Variants in P3H2 observed in about 807,000 individuals in gnomAD.
P3H2 encodes prolyl 3-hydroxylase 2, also known as leprecan-like 1.
P3H2 carries 80 observed loss-of-function variants against 87.0 expected under a neutral mutation model. That is an observed-to-expected ratio of 0.92 (90% CI 0.77 to 1.11). The LOEUF (loss-of-function observed/expected upper bound fraction) is 1.11, where lower values mean the gene tolerates loss of function less well. Among genes scored for constraint, P3H2 ranks in the 50% least tolerant of loss-of-function variants. The pLI is 0.00. For synonymous variants in P3H2, 367 were observed against 359.3 expected (o/e 1.02, Z -0.24); for missense variants, 1,001 against 923.9 (o/e 1.08, Z -1.08).
chr3:189,997,862 TAAC>T (rs112444876), intron 1 of P3H2, among the ~76,000 whole-genome samples: 74 of 152,344 alleles, frequency 4.9e-4, no homozygotes, highest in African/African-American at 1.7e-3. Context: ...TACATAGTAA[TAAC>T]TATATAGGTA....
chr3:190,105,257 C>T (rs1711786369), intron 1 of P3H2, among the ~76,000 whole-genome samples: 1 of 152,224 alleles, frequency 6.6e-6, no homozygotes, highest in Admixed American at 6.5e-5. Context: ...AAGTCTTTCA[C>T]ATTTGAGCCG....
At chr3:190,057,340 T>C (rs1726190441) in intron 1 of P3H2, among the ~76,000 whole-genome samples, 1 of 152,186 alleles carries the variant, frequency 6.6e-6, no homozygotes, top group African/African-American at 2.4e-5. Flanking sequence ...CACGAAAGTC[T>C]GAGAAGCACA....
At chr3:190,088,253 T>C (rs1359270186) in intron 1 of P3H2, among the ~76,000 whole-genome samples, 1 of 152,220 alleles carries the variant, frequency 6.6e-6, no homozygotes, top group Admixed American at 6.5e-5. Context: ...CCTCAGAATA[T>C]TATTATGTAC....
At chr3:189,994,819 A>G (rs1438981108) in intron 2 of P3H2, among the ~76,000 whole-genome samples, 1 of 151,934 alleles carries the variant, frequency 6.6e-6, no homozygotes, top group Non-Finnish European at 1.5e-5. Context: ...AAAGAACTAC[A>G]TCACTTTTTA....
intron 1 of P3H2, among the ~76,000 whole-genome samples, chr3:190,107,043 TAAAGGA>T (rs148193659): frequency 2.1e-3 from 322 of 152,286 alleles, no homozygotes; most frequent in South Asian, 7.2e-3. Flanking sequence ...TTAAGTCTGT[TAAAGGA>T]AATGTCATTT....
intron 3 of P3H2, among the ~76,000 whole-genome samples, chr3:189,993,149 C>G (rs1427766363): frequency 6.6e-6 from 1 of 151,784 alleles, no homozygotes; most frequent in African/African-American, 2.4e-5. Context: ...ATGGAGAAAC[C>G]CCGTCTCCAT....
At chr3:190,078,682 C>G (rs1435214979) in intron 1 of P3H2, among the ~76,000 whole-genome samples, 2 of 152,302 alleles carry the variant, frequency 1.3e-5, no homozygotes, top group African/African-American at 4.8e-5. Flanking sequence ...TGTTATTATC[C>G]TCACTCATAA....
chr3:190,084,851 G>T (rs1727158984), intron 1 of P3H2, among the ~76,000 whole-genome samples: 1 of 152,034 alleles, frequency 6.6e-6, no homozygotes, highest in Non-Finnish European at 1.5e-5. Context: ...TCGCTCAGTA[G>T]GTGTTTTCTG....
chr3:190,047,587 A>G (rs1725845872), intron 1 of P3H2, among the ~76,000 whole-genome samples: 1 of 152,188 alleles, frequency 6.6e-6, no homozygotes. Flanking sequence ...TCTCGTGTGT[A>G]TATATACACC....
chr3:189,971,803 G>A (rs1369591531), intron 12 of P3H2, 87 bp downstream of exon 12: 45 of 841,694 alleles, frequency 5.3e-5, no homozygotes, highest in Middle Eastern at 2.2e-4. Context: ...TGAACACGAC[G>A]TCAAGCAAAA....
In P3H2 at chr3:190,120,515, T is replaced by C; in HGVS notation, c.217A>G (p.Ser73Gly). Residue 73 changes from serine to glycine, a missense_variant, in exon 1 of 15, where the codon AGC (serine) becomes GGC (glycine). Transcript: ENST00000319332. ...CGGATTTCCCGCAGGCGCCGGTGGC[T>C]GCGCAGCGCCGCTTCCAAGTCGCGC... Reference protein sequence around the residue: ...AVRDLEAALRSHRRLREIRTR... With the variant: ...AVRDLEAALRGHRRLREIRTR... 1.4e-6 allele frequency: 2 copies of C among 1,474,848 alleles called. No individual in the cohort carries two copies. The allele number at this position is 1,474,848 out of a possible 1,614,324, so 91.4% of individuals were successfully genotyped here.
At chr3:190,120,927 A>T, upstream of P3H2, 1 of 777,870 alleles carries the variant, frequency 1.3e-6, no homozygotes, top group South Asian at 2.2e-5. Context: ...CCGCTCTTAA[A>T]GGGACGCCCA....
intron 13 of P3H2, among the ~76,000 whole-genome samples, chr3:189,968,577 T>C (rs918428751): frequency 6.6e-6 from 1 of 152,222 alleles, no homozygotes; most frequent in African/African-American, 2.4e-5. Context: ...GTCTTTATAG[T>C]AGAATGATTT....
chr3:190,041,990 G>C (rs184484337), intron 1 of P3H2, among the ~76,000 whole-genome samples: 2 of 152,184 alleles, frequency 1.3e-5, no homozygotes, highest in African/African-American at 4.8e-5. Context: ...TCCCCACGGG[G>C]CAATTCTTTA....
intron 1 of P3H2, among the ~76,000 whole-genome samples, chr3:190,064,233 G>A (rs865777990): frequency 1.8e-4 from 27 of 151,216 alleles, no homozygotes; most frequent in African/African-American, 4.9e-4. Flanking sequence ...CTCAGTTCTT[G>A]AAATCCTGAG....
intron 1 of P3H2, among the ~76,000 whole-genome samples, chr3:190,004,606 TCTC>T (rs1160038487): frequency 3.3e-5 from 5 of 151,942 alleles, no homozygotes; most frequent in Non-Finnish European, 7.4e-5. Context: ...ATGGTCTCGA[TCTC>T]CTGACCTTGT....
intron 13 of P3H2, 161 bp from the exon 14 acceptor site, chr3:189,964,259 C>G (rs777920858): frequency 1.4e-6 from 1 of 721,142 alleles, no homozygotes; most frequent in Non-Finnish European, 2.4e-6. Context: ...TTTTCTCACC[C>G]GTAAAACAAA....
At chr3:190,037,794 AT>A (rs11339681) in intron 1 of P3H2, among the ~76,000 whole-genome samples, 87,978 of 151,944 alleles carry the variant, frequency 0.58, 27,445 homozygotes, top group Admixed American at 0.71. Flanking sequence ...CAGACACTCA[AT>A]ATTTGTTAAG....
chr3:190,101,655 G>A (rs185064251), intron 1 of P3H2, among the ~76,000 whole-genome samples: 107 of 150,654 alleles, frequency 7.1e-4, no homozygotes, highest in African/African-American at 2.5e-3. Context: ...AAAAGAAGCC[G>A]TCTTCATAAA....
Sources: allele counts gnomAD v4.1 joint callset (sites outside exome capture counted in the v4.1 genomes callset), GRCh38; gene constraint gnomAD v4.1.1; transcripts MANE v1.5; gene names NCBI Gene and HGNC (gene_info 2026-07-23, HGNC 2026-07-21).